Variants in COMMD10 observed in about 807,000 individuals in gnomAD.
The protein encoded by COMMD10 is COMM domain-containing protein 10.
Under a neutral mutation model 28.9 loss-of-function variants are expected in COMMD10, and 33 were observed. The ratio of observed to expected loss-of-function variants is 1.14; its 90% confidence interval spans 0.87 to 1.53. The LOEUF is 1.53. Ranked by LOEUF, COMMD10 falls within the 40% of genes most tolerant of loss-of-function variation. COMMD10 has a pLI of 0.00. For missense variants in COMMD10, 310 were observed against 233.4 expected (o/e 1.33, Z -2.14); for synonymous variants, 110 against 81.7 (o/e 1.35, Z -1.87).
At chr5:116,292,312 T>A (rs1751385260) in intron 6 of COMMD10, 139 bp from the exon 7 acceptor site, 1 of 449,378 alleles carries the variant, frequency 2.2e-6, no homozygotes, top group Non-Finnish European at 3.9e-6. Context: ...GTGGTAATTT[T>A]ATTGCTATGT....
intron 5 of COMMD10, chr5:116,218,330 T>C: frequency 1.5e-6 from 1 of 674,388 alleles, no homozygotes; most frequent in African/African-American, 1.8e-5. Context: ...ACATAGGCAC[T>C]GGGCGTAGGA....
intron 5 of COMMD10, among the ~76,000 whole-genome samples, chr5:116,206,593 A>G (rs538409535): frequency 6.6e-6 from 1 of 152,262 alleles, no homozygotes; most frequent in African/African-American, 2.4e-5. Context: ...CAGAGATTGC[A>G]GAGAGCCAAG....
At chr5:116,266,862 T>C (rs1027954588) in intron 5 of COMMD10, among the ~76,000 whole-genome samples, 2 of 151,802 alleles carry the variant, frequency 1.3e-5, no homozygotes, top group South Asian at 2.1e-4. Flanking sequence ...ATTATCTCAA[T>C]AGATGCAGAA....
chr5:116,231,318 C>G (rs1312119819), intron 5 of COMMD10, among the ~76,000 whole-genome samples: 1 of 152,094 alleles, frequency 6.6e-6, no homozygotes, highest in Non-Finnish European at 1.5e-5. Flanking sequence ...TTCATGTCAA[C>G]AAGAGTACAT....
chr5:116,187,075 A>C (rs915185741), intron 5 of COMMD10, among the ~76,000 whole-genome samples: 2 of 152,164 alleles, frequency 1.3e-5, no homozygotes, highest in Admixed American at 6.6e-5. Flanking sequence ...GTAAAAAATA[A>C]TAATAAACAA....
intron 5 of COMMD10, among the ~76,000 whole-genome samples, chr5:116,286,850 C>A (rs1207940689): frequency 6.6e-6 from 1 of 151,670 alleles, no homozygotes; most frequent in African/African-American, 2.4e-5. Context: ...TTAGAGTGTT[C>A]CGTATATGTC....
chr5:116,212,656 C>T (rs1038407945), intron 5 of COMMD10, among the ~76,000 whole-genome samples: 1 of 151,958 alleles, frequency 6.6e-6, no homozygotes, highest in African/African-American at 2.4e-5. Context: ...TTACTATTGA[C>T]ATTTTATTGA....
intron 4 of COMMD10, among the ~76,000 whole-genome samples, chr5:116,095,577 T>G (rs1224805285): frequency 1.3e-5 from 2 of 150,930 alleles, no homozygotes; most frequent in African/African-American, 4.9e-5. Context: ...AATCTGTAGC[T>G]TTCCTTTTCA....
At chr5:116,123,372 T>C (rs1751508767) in intron 4 of COMMD10, among the ~76,000 whole-genome samples, 1 of 152,186 alleles carries the variant, frequency 6.6e-6, no homozygotes, top group African/African-American at 2.4e-5. Flanking sequence ...GGATTACGTT[T>C]ATTGATTGGC....
chr5:116,144,096 G>A (rs974113332), intron 5 of COMMD10, among the ~76,000 whole-genome samples: 6 of 151,814 alleles, frequency 4.0e-5, no homozygotes, highest in Admixed American at 1.3e-4. Flanking sequence ...TGTCAGGTTT[G>A]TAGTCTGAGA....
chr5:116,166,248 A>G lies in COMMD10; in HGVS notation c.510+32070A>G, dbSNP rs147763849. Among the ~76,000 whole-genome samples, 838 of 152,302 alleles carry G rather than the reference A, an allele frequency of 5.5e-3. 8 individuals carry two copies. Among genetic ancestry groups the G allele is most frequent in the African/African-American group, 0.019 (800 of 41,554 alleles). ...AAGATGCAAAGATTGTTTTTTATAA[A>G]AATGTACAATGTTCCTTTTTCTATT... On this transcript the variant is annotated intron_variant, in intron 5 of 6. Coordinates refer to ENST00000274458, the MANE Select transcript of COMMD10 (RefSeq NM_016144.4).
intron 5 of COMMD10, among the ~76,000 whole-genome samples, chr5:116,220,205 C>T (rs1749211590): frequency 6.6e-6 from 1 of 152,006 alleles, no homozygotes; most frequent in Admixed American, 6.6e-5. Context: ...TTTGTAGGTA[C>T]CTAGGGAGCA....
intron 5 of COMMD10, among the ~76,000 whole-genome samples, chr5:116,271,176 C>G (rs1750741986): frequency 6.7e-6 from 1 of 148,950 alleles, no homozygotes; most frequent in Admixed American, 6.7e-5. Context: ...AGAGTACTCT[C>G]TGTACAGGTT....
intron 5 of COMMD10, among the ~76,000 whole-genome samples, chr5:116,256,666 G>T (rs182180095): frequency 6.6e-6 from 1 of 151,754 alleles, no homozygotes; most frequent in South Asian, 2.1e-4. Context: ...TTTCATACAC[G>T]TAATGAGATA....
At chr5:116,248,940 G>C (rs1325471910) in intron 5 of COMMD10, among the ~76,000 whole-genome samples, 2 of 151,892 alleles carry the variant, frequency 1.3e-5, no homozygotes, top group Non-Finnish European at 2.9e-5. Context: ...ATCTTGTTTG[G>C]AGATTTCTAA....
intron 5 of COMMD10, among the ~76,000 whole-genome samples, chr5:116,196,842 T>C (rs1748536388): frequency 6.6e-6 from 1 of 152,116 alleles, no homozygotes; most frequent in African/African-American, 2.4e-5. Flanking sequence ...ATATTACTAA[T>C]TTTCAAATTT....
chr5:116,288,626 A>C (rs74410474), intron 5 of COMMD10, among the ~76,000 whole-genome samples: 11 of 151,286 alleles, frequency 7.3e-5, no homozygotes, highest in African/African-American at 2.7e-4. Flanking sequence ...ATCTCTTCAC[A>C]TTTCTTCTTT....
At chr5:116,176,751 A>G (rs148196041) in intron 5 of COMMD10, among the ~76,000 whole-genome samples, 2,569 of 152,184 alleles carry the variant, frequency 0.017, 40 homozygotes, top group Middle Eastern at 0.027. Flanking sequence ...ATTTCTTATG[A>G]TTGTTGTCAG....
At chr5:116,101,483 A>G (rs1750656496) in intron 4 of COMMD10, among the ~76,000 whole-genome samples, 1 of 151,906 alleles carries the variant, frequency 6.6e-6, no homozygotes, top group Middle Eastern at 3.4e-3. Context: ...CTGGATTGCA[A>G]TGGTGTGACC....
Sources: allele counts gnomAD v4.1 joint callset (sites outside exome capture counted in the v4.1 genomes callset), GRCh38; gene constraint gnomAD v4.1.1; transcripts MANE v1.5; gene names NCBI Gene and HGNC (gene_info 2026-07-23, HGNC 2026-07-21).